The following LGSN variants were observed in gnomAD, a reference collection of about 807,000 sequenced individuals.
LGSN encodes lengsin.
In LGSN, 21 loss-of-function variants were observed where a neutral mutation model predicts 19.5. The ratio of observed to expected loss-of-function variants is 1.07; its 90% CI spans 0.76 to 1.55. LGSN has a LOEUF of 1.55. LGSN is among the 40% of genes most tolerant of loss of function. LGSN has a pLI of 0.00. For missense variants in LGSN, 673 were observed against 608.5 expected, an observed-to-expected ratio of 1.11 and a Z score of -1.12; for synonymous variants, 257 against 215.6, an observed-to-expected ratio of 1.19 and a Z score of -1.68.
At chr6:63,499,112 C>G in the LGSN span, among the ~76,000 whole-genome samples, 2 of 152,066 alleles carry the variant, frequency 1.3e-5, no homozygotes, top group Non-Finnish European at 2.9e-5. Context: ...TTTACCAATT[C>G]CAAAGTAAAT....
At chr6:63,443,170 C>T in the LGSN span, among the ~76,000 whole-genome samples, 1 of 152,238 alleles carries the variant, frequency 6.6e-6, no homozygotes, top group Non-Finnish European at 1.5e-5. Context: ...GTGCCCCCTC[C>T]ACAGCTACTG....
the LGSN span, among the ~76,000 whole-genome samples, chr6:63,385,215 G>T: frequency 3.9e-5 from 6 of 152,142 alleles, no homozygotes; most frequent in Non-Finnish European, 8.8e-5. Context: ...TGGACATTTT[G>T]ATATCTGATT....
At chr6:63,507,379 G>C in the LGSN span, among the ~76,000 whole-genome samples, 1 of 152,164 alleles carries the variant, frequency 6.6e-6, no homozygotes, top group Non-Finnish European at 1.5e-5. Flanking sequence ...GAAAGTTTGA[G>C]ATACATGTGC....
chr6:63,462,614 T>G, the LGSN span, among the ~76,000 whole-genome samples: 2 of 152,126 alleles, frequency 1.3e-5, no homozygotes, highest in Non-Finnish European at 2.9e-5. Flanking sequence ...AACAAATATA[T>G]TCCTAGATTT....
the LGSN span, among the ~76,000 whole-genome samples, chr6:63,508,200 TAGG>T: frequency 6.6e-6 from 1 of 152,222 alleles, no homozygotes; most frequent in Non-Finnish European, 1.5e-5. Context: ...TGTACCTACT[TAGG>T]AGGTTAGTTT....
the LGSN span, among the ~76,000 whole-genome samples, chr6:63,415,425 T>C: frequency 6.6e-6 from 1 of 152,188 alleles, no homozygotes; most frequent in African/African-American, 2.4e-5. Flanking sequence ...TTAGGAAACT[T>C]ACAATTATAG....
At chr6:63,337,429 A>G in the LGSN span, among the ~76,000 whole-genome samples, 1 of 151,990 alleles carries the variant, frequency 6.6e-6, no homozygotes, top group East Asian at 2.0e-4. Flanking sequence ...GTGAGCCAAG[A>G]TAGCGCCACT....
At chr6:63,312,518 A>G (rs373760346) in intron 1 of LGSN, among the ~76,000 whole-genome samples, 15 of 152,326 alleles carry the variant, frequency 9.8e-5, no homozygotes, top group African/African-American at 3.6e-4. Context: ...AACTTTCAGT[A>G]TCATTAAAGT....
At chr6:63,306,954 C>T (rs1406360830) in intron 1 of LGSN, among the ~76,000 whole-genome samples, 1 of 152,104 alleles carries the variant, frequency 6.6e-6, no homozygotes, top group Admixed American at 6.6e-5. Flanking sequence ...TTCTCAACTA[C>T]CACACAACTA....
At chr6:63,540,038 A>G in the LGSN span, among the ~76,000 whole-genome samples, 1 of 152,192 alleles carries the variant, frequency 6.6e-6, no homozygotes, top group Non-Finnish European at 1.5e-5. Context: ...AAGACAATCT[A>G]GAGTTTCTTG....
chr6:63,390,925 C>A, the LGSN span, among the ~76,000 whole-genome samples: 38 of 150,980 alleles, frequency 2.5e-4, no homozygotes, highest in African/African-American at 9.0e-4. Flanking sequence ...CCTTAACTTT[C>A]TTATCTCTCT....
chr6:63,408,021 A>C, the LGSN span, among the ~76,000 whole-genome samples: 38 of 152,210 alleles, frequency 2.5e-4, no homozygotes, highest in Non-Finnish European at 5.0e-4. Flanking sequence ...TGCTCAAGGA[A>C]ATAAAAGAGG....
chr6:63,285,984 A>C (rs371454647), intron 2 of LGSN, among the ~76,000 whole-genome samples: 2 of 152,212 alleles, frequency 1.3e-5, no homozygotes, highest in East Asian at 3.8e-4. Flanking sequence ...GACGAGGTCA[A>C]AATTGACATT....
intron 2 of LGSN, among the ~76,000 whole-genome samples, chr6:63,287,811 A>C (rs931152248): frequency 3.3e-5 from 5 of 152,186 alleles, no homozygotes; most frequent in African/African-American, 1.2e-4. Context: ...AAAAGGAGAA[A>C]GGGTAATTTT....
intron 1 of LGSN, among the ~76,000 whole-genome samples, chr6:63,305,922 T>C (rs1411685031): frequency 6.6e-6 from 1 of 151,786 alleles, no homozygotes; most frequent in East Asian, 1.9e-4. Flanking sequence ...ATTAGCCAGA[T>C]TTGATGGCTA....
the LGSN span, among the ~76,000 whole-genome samples, chr6:63,477,664 TTTC>T: frequency 4.0e-4 from 60 of 148,808 alleles, no homozygotes; most frequent in African/African-American, 1.2e-3. Flanking sequence ...TCTTTTTCTT[TTTC>T]TTCTTCTTCT....
the LGSN span, among the ~76,000 whole-genome samples, chr6:63,511,246 CTTTTTTT>C: frequency 3.8e-5 from 5 of 131,482 alleles, no homozygotes; most frequent in Admixed American, 1.6e-4. Context: ...AAATAGATTT[CTTTTTTT>C]TTTTTTTTTT....
At chr6:63,359,590 C>A in the LGSN span, among the ~76,000 whole-genome samples, 1 of 152,070 alleles carries the variant, frequency 6.6e-6, no homozygotes, top group Non-Finnish European at 1.5e-5. Flanking sequence ...GAATTTATCC[C>A]TTTCTTCCAG....
chr6:63,328,288 G>A, the LGSN span, among the ~76,000 whole-genome samples: 663 of 152,282 alleles, frequency 4.4e-3, 7 homozygotes, highest in Admixed American at 0.019. Context: ...CATCTTGGGC[G>A]GCATAAGTCT....
Sources: allele counts gnomAD v4.1 joint callset (sites outside exome capture counted in the v4.1 genomes callset), GRCh38; gene constraint gnomAD v4.1.1; transcripts MANE v1.5; gene names NCBI Gene and HGNC (gene_info 2026-07-23, HGNC 2026-07-21).